The following ZC3H13 variants were observed in gnomAD, a reference collection of about 807,000 sequenced individuals.
ZC3H13 encodes the protein zinc finger CCCH domain-containing protein 13.
Under a neutral mutation model 204.1 loss-of-function variants are expected in ZC3H13, and 64 were observed. The ratio of observed to expected loss-of-function variants is 0.31; its 90% CI spans 0.26 to 0.39. The LOEUF is 0.39. Among genes scored for constraint, ZC3H13 ranks in the 10% least tolerant of loss-of-function variants. ZC3H13 has a pLI of 1.00. For synonymous variants in ZC3H13, 667 were observed against 693.7 expected, an observed-to-expected ratio of 0.96 and a Z score of 0.60; for missense variants, 1,833 against 2,082.7, an observed-to-expected ratio of 0.88 and a Z score of 2.33.
chr13:45,968,996 G>A lies in ZC3H13; in HGVS notation c.3548C>T (p.Pro1183Leu), dbSNP rs1260917408. 1.2e-6 allele frequency: 2 copies of A among 1,614,224 alleles called. No individual in the cohort carries two copies. The highest frequency in any genetic ancestry group is 2.2e-5 in the East Asian group (1 of 44,892). ...VTIEDAQHRK[P>L]MDQKRSSSLG... The stretch of plus-strand genomic sequence containing the variant: ...GCTGCTGCTCCTCTTTTGATCCATA[G>A]GCTTGCGATGCTGTGCATCTTCTAT... Residue 1183 changes from proline to leucine, a missense_variant, in exon 14 of 19, where the codon CCT becomes CTT. Pro to Leu is a moderately conservative substitution (Grantham distance 98). This residue lies in a region of ZC3H13 where 1,574 missense variants were observed against 1,757.2 expected (regional missense o/e 0.90). Coordinates refer to ENST00000679008, the MANE Select transcript of ZC3H13 (RefSeq NM_001330564.2).
At chr13:46,005,521 G>A (rs1033150761) in intron 7 of ZC3H13, among the ~76,000 whole-genome samples, 3 of 151,914 alleles carry the variant, frequency 2.0e-5, no homozygotes, top group Non-Finnish European at 4.4e-5. Flanking sequence ...ACAGTGTCTC[G>A]CTCTGTTGCC....
At chr13:46,044,144 T>C (rs1247901151) in intron 3 of ZC3H13, among the ~76,000 whole-genome samples, 4 of 141,398 alleles carry the variant, frequency 2.8e-5, no homozygotes, top group South Asian at 2.2e-4. Context: ...AATCTACCCA[T>C]ACACTACCCC....
At chr13:46,013,073 C>CA (rs1471947810) in intron 5 of ZC3H13, among the ~76,000 whole-genome samples, 1 of 152,128 alleles carries the variant, frequency 6.6e-6, no homozygotes, top group Non-Finnish European at 1.5e-5. Context: ...TTTCAGTTCT[C>CA]AATTTTCAAC....
chr13:45,969,647 G>C lies in ZC3H13; in HGVS notation c.2897C>G (p.Pro966Arg). Residue 966 changes from proline (P) to arginine (R), a missense_variant, in exon 14 of 19, where the codon CCA becomes CGA. By Grantham distance (103) the Pro-to-Arg change is moderately radical. Coordinates refer to ENST00000679008, the MANE Select transcript of ZC3H13 (RefSeq NM_001330564.2). ...ATCATCCTCTTTCTTTTTCTTAATTGGTTTCTTTTGAATTTTTGCTTTCTT... is the reference window on the plus strand; with the variant it reads ...ATCATCCTCTTTCTTTTTCTTAATTCGTTTCTTTTGAATTTTTGCTTTCTT... ...NKKKAKIQKK[P>R]IKKKKEDDVG... 1 of 1,607,304 alleles carries C rather than the reference G, an allele frequency of 6.2e-7. No homozygotes were observed. Among genetic ancestry groups the C allele is most frequent in the Non-Finnish European group, 8.5e-7 (1 of 1,178,576 alleles).
At chr13:45,965,968 C>A (rs1307096050) in intron 15 of ZC3H13, among the ~76,000 whole-genome samples, 1 of 152,116 alleles carries the variant, frequency 6.6e-6, no homozygotes, top group African/African-American at 2.4e-5. Context: ...TCTCTCTCAA[C>A]ATCTCAATTC....
Position 45,956,946 on chromosome 13 carries a change from C to T in ZC3H13, c.*181G>A, listed in dbSNP as rs111661554. The T allele has an allele frequency of 4.4e-4, 194 of 441,654 alleles. No homozygotes were observed. Among genetic ancestry groups the T allele is most frequent in the African/African-American group, 3.5e-3 (175 of 49,528 alleles). The allele number at this position is 441,654 out of a possible 1,614,324, so 27.4% of individuals were successfully genotyped here. ...GTGTCAAATACTATGTAAAAATTAA[C>T]GTAAAATCTTAAGTTGGCCAAAACT... On this transcript the variant is annotated 3_prime_UTR_variant, in exon 19 of 19. Coordinates refer to ENST00000679008, the MANE Select transcript of ZC3H13 (RefSeq NM_001330564.2).
intron 1 of ZC3H13, 125 bp from the exon 2 acceptor site, chr13:46,045,641 G>C: frequency 1.5e-6 from 1 of 663,488 alleles, no homozygotes; most frequent in Non-Finnish European, 2.6e-6. Context: ...TTCCTTGGGA[G>C]ATTAAAAAAA....
At chr13:45,987,703 C>T (rs1443823004) in intron 9 of ZC3H13, among the ~76,000 whole-genome samples, 2 of 152,140 alleles carry the variant, frequency 1.3e-5, no homozygotes, top group African/African-American at 2.4e-5. Context: ...AGGAGACTGC[C>T]GTACTCCACT....
At chr13:46,012,471 A>C (rs956493145) in intron 5 of ZC3H13, among the ~76,000 whole-genome samples, 3 of 152,198 alleles carry the variant, frequency 2.0e-5, no homozygotes, top group Non-Finnish European at 4.4e-5. Flanking sequence ...AGAACTAAAA[A>C]AACAACAAAC....
At chr13:45,974,293 A>C (rs1295179167) in intron 12 of ZC3H13, among the ~76,000 whole-genome samples, 1 of 152,176 alleles carries the variant, frequency 6.6e-6, no homozygotes, top group Non-Finnish European at 1.5e-5. Flanking sequence ...TGAGAGCCCC[A>C]ACTCAGAGAG....
chr13:46,042,491 C>G (rs2043656244), intron 3 of ZC3H13, among the ~76,000 whole-genome samples: 2 of 152,004 alleles, frequency 1.3e-5, no homozygotes, highest in Non-Finnish European at 2.9e-5. Context: ...GTTTTTCTCC[C>G]AATAACAATC....
chr13:46,002,469 T>C (rs2040819234), intron 8 of ZC3H13, among the ~76,000 whole-genome samples: 1 of 152,096 alleles, frequency 6.6e-6, no homozygotes, highest in Non-Finnish European at 1.5e-5. Context: ...ATTTACACAT[T>C]CATGCTCATA....
intron 4 of ZC3H13, among the ~76,000 whole-genome samples, chr13:46,039,591 C>A (rs1348348566): frequency 2.6e-5 from 4 of 152,122 alleles, no homozygotes; most frequent in African/African-American, 9.7e-5. Context: ...AATAACAATT[C>A]ATCTAGTAGT....
intron 17 of ZC3H13, 186 bp downstream of exon 17, chr13:45,963,656 T>C: frequency 7.0e-7 from 1 of 1,420,388 alleles, no homozygotes; most frequent in Non-Finnish European, 9.2e-7. Context: ...GGGATAACTC[T>C]TCTTCTCAAA....
Position 45,958,648 on chromosome 13 carries a change from G to GT in ZC3H13, c.4839+834dup, listed in dbSNP as rs10539884. On this transcript the variant is annotated intron_variant, in intron 18 of 18. Transcript: ENST00000679008. Reference sequence around the variant, plus strand: ...CTCACCACCCCAAATAAAAATCCCAGTTTTTTTTTTTTTTTTTTTTTTTTT... The same window carrying GT: ...CTCACCACCCCAAATAAAAATCCCAGTTTTTTTTTTTTTTTTTTTTTTTTTT... 3.5e-3 allele frequency among the ~76,000 whole-genome samples: 428 copies of GT among 123,542 alleles called. 1 individual carries two copies. Among genetic ancestry groups the GT allele is most frequent in the East Asian group, 6.5e-3 (28 of 4,310 alleles). The allele number at this position is 123,542 out of a possible 152,430, so 81.0% of individuals were successfully genotyped here.
At chr13:46,015,722 A>G (rs2138732163) in intron 5 of ZC3H13, among the ~76,000 whole-genome samples, 1 of 152,280 alleles carries the variant, frequency 6.6e-6, no homozygotes, top group South Asian at 2.1e-4. Flanking sequence ...CAGATAATCA[A>G]AAGTTTTATA....
At chr13:46,032,033 T>C (rs2042929739) in intron 4 of ZC3H13, among the ~76,000 whole-genome samples, 1 of 152,198 alleles carries the variant, frequency 6.6e-6, no homozygotes, top group South Asian at 2.1e-4. Flanking sequence ...TGTCCTTTGG[T>C]AGGTCAATGG....
At position 45,954,522 on chromosome 13, in the gene ZC3H13, A is replaced by C. The variant is rs1391450777; in HGVS notation, c.*2605T>G. ...TAAAGAAAAATGATAAAATAAGGCAAGTCCTAGATCAGATTTAAATACAAT... is the reference window on the plus strand; with the variant it reads ...TAAAGAAAAATGATAAAATAAGGCACGTCCTAGATCAGATTTAAATACAAT... On this transcript the variant is annotated 3_prime_UTR_variant, in exon 19 of 19. Transcript: ENST00000679008. The C allele has an allele frequency of 6.6e-6, 1 of 152,236 alleles. No individual in the cohort carries two copies. Among genetic ancestry groups the C allele is most frequent in the Non-Finnish European group, 1.5e-5 (1 of 68,044 alleles). 9.4% of individuals were successfully genotyped at this position (152,236 alleles called of 1,614,324 possible).
rs1298988853 is a variant in ZC3H13 at position 45,957,162 on chromosome 13, G to A, written c.4975C>T (p.Gln1659Ter). ...CACAGTTCCTGTTGGATACTGGACT[G>A]TGAAAGTTTATTATCTTCAGTCTTT... The part of the protein sequence containing the change: ...HEKTEDNKLS[Q>*]SSIQQELCVS The change falls in exon 19 of 19, where the codon CAG becomes TAG. Residue 1659 changes from glutamine to a stop codon, truncating the protein, a stop_gained. Coordinates refer to ENST00000679008, the MANE Select transcript of ZC3H13 (RefSeq NM_001330564.2). LOFTEE classifies it high-confidence loss of function. 2 of 1,546,778 alleles carry A rather than the reference G, an allele frequency of 1.3e-6. No homozygotes were observed. The highest frequency in any genetic ancestry group is 2.4e-5 in the East Asian group (1 of 40,834).
Sources: gnomAD v4.1 joint callset for allele counts (sites outside exome capture counted in the v4.1 genomes callset) on GRCh38, gnomAD v4.1.1 for gene constraint, gnomAD v4.1.1 regional missense constraint, MANE v1.5 for transcripts, NCBI Gene and HGNC (gene_info 2026-07-23, HGNC 2026-07-21) for gene names.